SHISA5: variants seen among roughly 807,000 people sequenced by gnomAD.
SHISA5 encodes protein shisa-5.
A neutral mutation model predicts 27.5 loss-of-function variants in SHISA5; 21 were observed. That is an observed-to-expected ratio of 0.76 (90% confidence interval 0.54 to 1.10). SHISA5 has a LOEUF of 1.10. SHISA5 is among the 50% of genes least tolerant of loss of function. The pLI is 0.00. For synonymous variants in SHISA5, 137 were observed against 142.2 expected, an observed-to-expected ratio of 0.96 and a Z score of 0.26; for missense variants, 314 against 336.3, an observed-to-expected ratio of 0.93 and a Z score of 0.52.
rs147542924 is a variant in SHISA5, at chr3:48,501,472, C to T, written c.77-179G>A. On this transcript the variant is annotated intron_variant, in intron 1 of 5. Transcript: ENST00000296444. The stretch of plus-strand genomic sequence containing the variant: ...GCCACTGCTCCCCCTCAGCCTTGCC[C>T]TATCCCACGGGCCACAACAGAGCTG... Among the ~76,000 whole-genome samples, 6 of 152,248 alleles carry T rather than the reference C, an allele frequency of 3.9e-5. No individual in the cohort carries two copies. The East Asian group carries it at 1.2e-3, about 29-fold the overall frequency.
rs185605256 is a variant in SHISA5, at chr3:48,469,040, G to A, written c.*67C>T. 1.2e-3 allele frequency: 1,932 copies of A among 1,608,150 alleles called. 8 individuals are homozygous for A. In the Middle Eastern group the frequency reaches 0.02, roughly 17 times the overall value. ...CAGCACACATGGGGCGTAAGGAACCGCGCCTGCACACCACTCACGCACACA... is the reference window on the plus strand; with the variant it reads ...CAGCACACATGGGGCGTAAGGAACCACGCCTGCACACCACTCACGCACACA... On this transcript the variant is annotated 3_prime_UTR_variant, in exon 6 of 6. Coordinates refer to ENST00000296444, the MANE Select transcript of SHISA5 (RefSeq NM_016479.6). The surrounding 1 kb of genome is among the most constrained non-coding windows in gnomAD (Gnocchi z 4.6).
intron 2 of SHISA5, among the ~76,000 whole-genome samples, chr3:48,486,266 T>TTA (rs1224070546): frequency 0.064 from 48 of 752 alleles, 2 homozygotes; most frequent in African/African-American, 0.17. Flanking sequence ...ATATAATACA[T>TTA]TATGTTATAT....
chr3:48,472,134 T>C (rs569225043), intron 3 of SHISA5, among the ~76,000 whole-genome samples: 2 of 150,452 alleles, frequency 1.3e-5, no homozygotes, highest in South Asian at 2.1e-4. Context: ...TGAGCTAAGA[T>C]TGTGCCACTG....
intron 1 of SHISA5, chr3:48,503,212 G>A: frequency 1.6e-6 from 2 of 1,279,066 alleles, no homozygotes; most frequent in Non-Finnish European, 2.0e-6. Context: ...ACACCGGTGA[G>A]GCTGTTTAGG....
intron 1 of SHISA5, chr3:48,503,796 A>T: frequency 8.0e-7 from 1 of 1,250,560 alleles, no homozygotes; most frequent in Non-Finnish European, 1.0e-6. Flanking sequence ...AGGACAGACA[A>T]AGGTGGCAGC....
Position 48,469,840 on chromosome 3 carries a change from G to A in SHISA5, c.318C>T (p.Phe106=), listed in dbSNP as rs780257314. ...TCAGGCCAACGGCCAAGGTCGCTCC[G>A]AACCTGCCAAAGAGCTAGACGTGAC... The part of the protein sequence containing the change: ...RPGYNDPMSG[F]GATLAVGLTI... Residue 106 remains phenylalanine, a synonymous_variant, in exon 4 of 6, where the codon TTC becomes TTT. Coordinates refer to ENST00000296444, the MANE Select transcript of SHISA5 (RefSeq NM_016479.6). This position sits in a 1 kb window ranked among gnomAD's most constrained non-coding sequence, Gnocchi z 4.6. 9.9e-6 allele frequency: 16 copies of A among 1,612,726 alleles called. No homozygotes were observed. Among genetic ancestry groups the A allele is most frequent in the East Asian group, 2.2e-5 (1 of 44,860 alleles).
chr3:48,498,635 T>C (rs1575332379), intron 2 of SHISA5, among the ~76,000 whole-genome samples: 1 of 132,020 alleles, frequency 7.6e-6, no homozygotes, highest in Non-Finnish European at 1.5e-5. Context: ...TGCCGTGAGA[T>C]GAGATCACGC....
chr3:48,468,165 C>G lies in SHISA5; in HGVS notation c.*942G>C. ...CAGGGACTCACAGTTGCCAGGTTGT[C>G]CATCTCTGAGCCAATTTCCCTCCAC... On this transcript the variant is annotated 3_prime_UTR_variant, in exon 6 of 6. Transcript: ENST00000296444. 1.0e-6 allele frequency: 1 copy of G among 1,000,408 alleles called. No homozygotes were observed. The highest frequency in any genetic ancestry group is 1.2e-6 in the Non-Finnish European group (1 of 837,696). The allele number at this position is 1,000,408 out of a possible 1,614,324, so 62.0% of individuals were successfully genotyped here. A position where few individuals can be genotyped will look rare whatever the true frequency, so the allele number is the denominator to read the frequency against.
chr3:48,486,812 C>T (rs776487743), intron 2 of SHISA5, among the ~76,000 whole-genome samples: 20 of 149,174 alleles, frequency 1.3e-4, no homozygotes, highest in Admixed American at 4.7e-4. Context: ...TGCCTGTACT[C>T]GGGAGGCTGA....
chr3:48,491,795 G>A (rs974130818), intron 2 of SHISA5, among the ~76,000 whole-genome samples: 3 of 151,748 alleles, frequency 2.0e-5, no homozygotes, highest in Admixed American at 2.0e-4. Flanking sequence ...CCACAGACGC[G>A]CACCATCATG....
chr3:48,486,381 A>ATGTAT (rs1553826964), intron 2 of SHISA5, among the ~76,000 whole-genome samples: 1 of 44,356 alleles, frequency 2.3e-5, no homozygotes, highest in African/African-American at 8.7e-5. Context: ...ATAATATATA[A>ATGTAT]TATGTTATAT....
intron 3 of SHISA5, among the ~76,000 whole-genome samples, chr3:48,476,599 C>G (rs2107310397): frequency 6.6e-6 from 1 of 152,312 alleles, no homozygotes; most frequent in East Asian, 1.9e-4. Context: ...CATGGATGCC[C>G]AGCAGAGGAT....
Position 48,468,667 on chromosome 3 carries a change from G to A in SHISA5, c.*440C>T, listed in dbSNP as rs1227776612. ...ATGGCCTCAAGCAGCAGCTGGCTACGCTGCCGAAACCAGGACACATCTGCA... is the reference window on the plus strand; with the variant it reads ...ATGGCCTCAAGCAGCAGCTGGCTACACTGCCGAAACCAGGACACATCTGCA... On this transcript the variant is annotated 3_prime_UTR_variant, in exon 6 of 6. Coordinates refer to ENST00000296444, the MANE Select transcript of SHISA5 (RefSeq NM_016479.6). 9.9e-6 allele frequency: 12 copies of A among 1,213,814 alleles called. No homozygotes were observed. The highest frequency in any genetic ancestry group is 5.6e-5 in the East Asian group (1 of 17,728). The allele number at this position is 1,213,814 out of a possible 1,614,324, so 75.2% of individuals were successfully genotyped here. A position where few individuals can be genotyped will look rare whatever the true frequency, so the allele number is the denominator to read the frequency against.
At chr3:48,491,165 C>G (rs1325149894) in intron 2 of SHISA5, among the ~76,000 whole-genome samples, 1 of 150,906 alleles carries the variant, frequency 6.6e-6, no homozygotes, top group African/African-American at 2.4e-5. Context: ...GTCGCCCAGG[C>G]TGGAGTGCAG....
At chr3:48,501,851 CCTTT>C (rs1291266225) in intron 1 of SHISA5, among the ~76,000 whole-genome samples, 7 of 148,728 alleles carry the variant, frequency 4.7e-5, no homozygotes, top group Non-Finnish European at 8.8e-5. Context: ...CTGGACTGTC[CCTTT>C]CTTTCTTTTT....
At chr3:48,472,784 G>A (rs2040682855) in intron 3 of SHISA5, among the ~76,000 whole-genome samples, 2 of 152,086 alleles carry the variant, frequency 1.3e-5, no homozygotes, top group South Asian at 4.1e-4. Context: ...CACCCCTCAG[G>A]ACTCTCAAAG....
chr3:48,469,513 C>T lies in SHISA5; in HGVS notation c.491G>A (p.Ser164Asn), dbSNP rs778946656. The change falls in exon 5 of 6, where the codon AGT (serine) becomes AAT (asparagine). Residue 164 changes from serine (S) to asparagine (N), a missense_variant. Coordinates refer to ENST00000296444, the MANE Select transcript of SHISA5 (RefSeq NM_016479.6). This position sits in a 1 kb window ranked among gnomAD's most constrained non-coding sequence, Gnocchi z 4.6. ...VVHAPYPQPP[S>N]VPPSYPGPSY... is the part of the protein sequence containing the mutation. ...TGGTCCAGGGTAGCTGGGCGGCACACTTGGAGGCTGAGGATAAGGGGCATG... is the reference window on the plus strand; with the variant it reads ...TGGTCCAGGGTAGCTGGGCGGCACATTTGGAGGCTGAGGATAAGGGGCATG... 5.6e-6 allele frequency: 9 copies of T among 1,613,764 alleles called. No homozygotes were observed. In the South Asian group the frequency reaches 9.9e-5, roughly 18 times the overall value.
At chr3:48,495,803 G>A (rs1213391107) in intron 2 of SHISA5, among the ~76,000 whole-genome samples, 1 of 147,334 alleles carries the variant, frequency 6.8e-6, no homozygotes, top group African/African-American at 2.7e-5. Flanking sequence ...TTACAGGCGT[G>A]AGCCACCACA....
chr3:48,467,974 G>A lies in SHISA5; in HGVS notation c.*1133C>T, dbSNP rs1158583187. The stretch of plus-strand genomic sequence containing the variant: ...CAGCTCTGGTGAAACAGTAATAGAG[G>A]GAGGAGGAACACGAGGTATTCATGT... On this transcript the variant is annotated 3_prime_UTR_variant, in exon 6 of 6. Coordinates refer to ENST00000296444, the MANE Select transcript of SHISA5 (RefSeq NM_016479.6). 8.1e-5 allele frequency: 22 copies of A among 271,982 alleles called. No individual in the cohort carries two copies. The East Asian group carries it at 1.8e-3, about 22-fold the overall frequency. The allele number at this position is 271,982 out of a possible 1,614,324, so 16.8% of individuals were successfully genotyped here. A position where few individuals can be genotyped will look rare whatever the true frequency, so the allele number is the denominator to read the frequency against.
Sources: allele counts gnomAD v4.1 joint callset (sites outside exome capture counted in the v4.1 genomes callset), GRCh38; gene constraint gnomAD v4.1.1; non-coding constraint Gnocchi (gnomAD v3.1); transcripts MANE v1.5; gene names NCBI Gene and HGNC (gene_info 2026-07-23, HGNC 2026-07-21).